The following PKD1L1 variants were observed in gnomAD, a reference collection of about 807,000 sequenced individuals.
PKD1L1 encodes the protein polycystin 1 like 1, transient receptor potential channel interacting, also known as polycystin-1-like protein 1.
PKD1L1 carries 236 observed loss-of-function variants against 323.4 expected under a neutral mutation model. The ratio of observed to expected loss-of-function variants is 0.73; its 90% confidence interval spans 0.66 to 0.81. PKD1L1 has a LOEUF of 0.81. Ranked by LOEUF, PKD1L1 falls within the 40% of genes least tolerant of loss-of-function variation. PKD1L1 has a pLI of 0.00. For synonymous variants in PKD1L1, 1,344 were observed against 1,335.0 expected, an observed-to-expected ratio of 1.01 and a Z score of -0.15; for missense variants, 3,320 against 3,508.0, an observed-to-expected ratio of 0.95 and a Z score of 1.35.
intron 7 of PKD1L1, among the ~76,000 whole-genome samples, chr7:47,923,499 T>A (rs1443573624): frequency 1.3e-5 from 2 of 152,002 alleles, no homozygotes; most frequent in East Asian, 3.9e-4. Flanking sequence ...CTTACTCATG[T>A]AACCAAACAC....
chr7:47,829,633 C>T lies in PKD1L1; in HGVS notation c.6559-32G>A, dbSNP rs367596091. ...GGAAAAACATGACAGCGCAGAGAGC[C>T]GCCCTATGTCTGTGTTCATTCCACA... On this transcript the variant is annotated intron_variant, in intron 43 of 56. Coordinates refer to ENST00000289672, the MANE Select transcript of PKD1L1 (RefSeq NM_138295.5). 15 of 1,570,538 alleles carry T rather than the reference C, an allele frequency of 9.6e-6. No individual in the cohort carries two copies. The African/African-American group carries it at 1.1e-4, about 11-fold the overall frequency.
At chr7:47,819,869 T>G in intron 46 of PKD1L1, 1 of 244,786 alleles carries the variant, frequency 4.1e-6, no homozygotes, top group Non-Finnish European at 7.9e-6. Context: ...GCCACTCACT[T>G]CTGCCAAAAA....
chr7:47,806,499 G>C (rs1362656550), intron 52 of PKD1L1, among the ~76,000 whole-genome samples: 1 of 152,194 alleles, frequency 6.6e-6, no homozygotes, highest in Non-Finnish European at 1.5e-5. Flanking sequence ...GGTAGACCAG[G>C]AAGCCTGCTG....
rs1211536186 is a variant in PKD1L1 at position 47,880,263 on chromosome 7, TACATATATATA to T, written c.3520+454_3520+464del. Among the ~76,000 whole-genome samples, 65 of 88,318 alleles carry T rather than the reference TACATATATATA, an allele frequency of 7.4e-4. 1 individual carries two copies. The highest frequency in any genetic ancestry group is 1.2e-3 in the African/African-American group (19 of 16,258). 57.9% of individuals were successfully genotyped at this position (88,318 alleles called of 152,430 possible). ...CATAAATAAGATATATATATATATA[TACATATATATA>T]TATATATATATTTTTTTTTTTTTTT... On this transcript the variant is annotated intron_variant, in intron 21 of 56. Transcript: ENST00000289672.
chr7:47,911,450 A>G (rs1161387178), intron 8 of PKD1L1, among the ~76,000 whole-genome samples: 1 of 152,184 alleles, frequency 6.6e-6, no homozygotes, highest in Non-Finnish European at 1.5e-5. Flanking sequence ...CCTAATACAA[A>G]TACCAATTCC....
intron 7 of PKD1L1, among the ~76,000 whole-genome samples, chr7:47,918,833 C>T (rs1250099048): frequency 1.3e-5 from 2 of 152,234 alleles, no homozygotes; most frequent in African/African-American, 4.8e-5. Context: ...ACAATAGTGA[C>T]ACAACGTATC....
chr7:47,937,259 T>TGGGGGGGGGGGGGGGGGGGGGGGG (rs10610147), intron 3 of PKD1L1, among the ~76,000 whole-genome samples: 1 of 73,088 alleles, frequency 1.4e-5, no homozygotes. Context: ...GGGGTGGGGG[T>TGGGGGGGGGGGGGGGGGGGGGGGG]GGGGGGGGGG....
intron 7 of PKD1L1, among the ~76,000 whole-genome samples, chr7:47,917,765 T>C (rs1787459447): frequency 6.6e-6 from 1 of 152,122 alleles, no homozygotes; most frequent in Non-Finnish European, 1.5e-5. Flanking sequence ...TTCAGACAAA[T>C]GCTGACAGAA....
intron 50 of PKD1L1, among the ~76,000 whole-genome samples, chr7:47,811,445 G>A (rs1443952589): frequency 2.0e-5 from 3 of 152,114 alleles, no homozygotes; most frequent in South Asian, 2.1e-4. Context: ...ATAAGCCACC[G>A]CGCCTGGCCA....
chr7:47,923,784 T>C (rs575482207), intron 7 of PKD1L1, among the ~76,000 whole-genome samples: 7 of 152,256 alleles, frequency 4.6e-5, no homozygotes, highest in African/African-American at 1.4e-4. Flanking sequence ...CAAAAAGTAA[T>C]TCACCAAAAT....
At chr7:47,837,577 C>T (rs1404990535) in intron 36 of PKD1L1, among the ~76,000 whole-genome samples, 1 of 152,148 alleles carries the variant, frequency 6.6e-6, no homozygotes, top group East Asian at 1.9e-4. Flanking sequence ...GGTTCTCCTT[C>T]ATATTCCTAA....
At chr7:47,948,027 T>A (rs1240282757) in intron 1 of PKD1L1, among the ~76,000 whole-genome samples, 5 of 152,112 alleles carry the variant, frequency 3.3e-5, no homozygotes, top group Non-Finnish European at 2.9e-5. Context: ...GTGCCAGGTT[T>A]CTCCTGGTCT....
At chr7:47,868,563 C>T (rs920384626) in intron 24 of PKD1L1, among the ~76,000 whole-genome samples, 1 of 152,018 alleles carries the variant, frequency 6.6e-6, no homozygotes, top group Non-Finnish European at 1.5e-5. Context: ...TTTGTGCTCT[C>T]TTCTCCAGTT....
At chr7:47,790,577 C>T (rs1026385847) in intron 56 of PKD1L1, among the ~76,000 whole-genome samples, 1 of 152,060 alleles carries the variant, frequency 6.6e-6, no homozygotes, top group Non-Finnish European at 1.5e-5. Flanking sequence ...GTGATCCGCC[C>T]ACCTCGGCCT....
intron 24 of PKD1L1, among the ~76,000 whole-genome samples, chr7:47,873,597 G>A (rs1178341834): frequency 2.1e-5 from 3 of 144,436 alleles, no homozygotes; most frequent in African/African-American, 7.8e-5. Flanking sequence ...CAAGTGAGCC[G>A]AGATTGTGCC....
rs781615652 is a variant in PKD1L1 at position 47,792,639 on chromosome 7, G to T, written c.8514C>A (p.Tyr2838Ter). The change falls in exon 56 of 57, where the codon TAC (tyrosine) becomes TAA (stop). Residue 2838 changes from tyrosine (Y) to a stop codon, truncating the protein, a stop_gained. Transcript: ENST00000289672. LOFTEE classifies it high-confidence loss of function. ...TGCATGGTCTTACCTCAGCAGCTTG[G>T]TAACTAGAAATGTCCACTAAGGGAC... ...EESPLVDISS[Y>*]QAAEPADIKD... 2 of 1,612,146 alleles carry T rather than the reference G, an allele frequency of 1.2e-6. No homozygotes were observed. Among genetic ancestry groups the T allele is most frequent in the Admixed American group, 3.3e-5 (2 of 59,772 alleles).
chr7:47,822,594 CAAAAAAAA>C, intron 45 of PKD1L1, among the ~76,000 whole-genome samples: 1 of 71,422 alleles, frequency 1.4e-5, no homozygotes, highest in African/African-American at 5.9e-5. Context: ...GACTCCGTCT[CAAAAAAAA>C]AAAAAAAAAA....
intron 33 of PKD1L1, among the ~76,000 whole-genome samples, chr7:47,844,615 T>C (rs987506222): frequency 3.3e-5 from 5 of 152,244 alleles, no homozygotes; most frequent in Admixed American, 3.3e-4. Flanking sequence ...GAGCTATTAA[T>C]AATTAGGCTG....
chr7:47,871,255 G>GC (rs138664786), intron 24 of PKD1L1, among the ~76,000 whole-genome samples: 2 of 70,852 alleles, frequency 2.8e-5, no homozygotes, highest in Non-Finnish European at 5.8e-5. Flanking sequence ...TTGTATCTTA[G>GC]TTTGTGCTAT....
Sources: gnomAD v4.1 joint callset for allele counts (sites outside exome capture counted in the v4.1 genomes callset) on GRCh38, gnomAD v4.1.1 for gene constraint, MANE v1.5 for transcripts, NCBI Gene and HGNC (gene_info 2026-07-23, HGNC 2026-07-21) for gene names.